The following PRR33 variants were observed in gnomAD, a reference collection of about 807,000 sequenced individuals.
The protein encoded by PRR33 is proline-rich protein 33.
PRR33 carries 1 observed loss-of-function variant against 0.5 expected under a neutral mutation model. That is an observed-to-expected ratio of 2.18 (90% CI 0.77 to 10.34). The LOEUF (loss-of-function observed/expected upper bound fraction) is 10.34, where lower values mean the gene tolerates loss of function less well. PRR33 is among the 30% of genes most tolerant of loss of function. The probability of loss-of-function intolerance (pLI) is 0.13; values close to 1 mark genes in which losing one functional copy is unlikely to be tolerated. For missense variants in PRR33, 552 were observed against 251.8 expected (o/e 2.19, Z -8.07); for synonymous variants, 226 against 110.0 (o/e 2.06, Z -6.60).
upstream of PRR33, among the ~76,000 whole-genome samples, chr11:1,893,179 T>A (rs1589839460): frequency 1.7e-5 from 2 of 114,854 alleles, no homozygotes; most frequent in African/African-American, 3.2e-5. Context: ...GGTGGGTGGG[T>A]GGATGGATGG....
At chr11:1,889,262 G>T in exon 1 of PRR33, 1 of 679,082 alleles carries the variant, frequency 1.5e-6, no homozygotes. Context: ...TCCGGGCGTT[G>T]AAGCGAGGCC....
chr11:1,896,938 CCA>C, the PRR33 span, among the ~76,000 whole-genome samples: 10 of 152,210 alleles, frequency 6.6e-5, no homozygotes, highest in African/African-American at 2.4e-4. Context: ...AAGCAAAGAA[CCA>C]CTCGCTAATG....
chr11:1,891,358 G>T (rs1375033902), exon 1 of PRR33: 1 of 152,358 alleles, frequency 6.6e-6, no homozygotes, highest in East Asian at 1.9e-4. Context: ...CCGCTGGTGG[G>T]GGCTGGCTCT....
At chr11:1,917,357 T>C in the PRR33 span, among the ~76,000 whole-genome samples, 1 of 152,072 alleles carries the variant, frequency 6.6e-6, no homozygotes, top group South Asian at 2.1e-4. Flanking sequence ...GCCAAGACAC[T>C]CAGGAGGCCA....
chr11:1,916,358 A>G, the PRR33 span, among the ~76,000 whole-genome samples: 1 of 152,114 alleles, frequency 6.6e-6, no homozygotes, highest in African/African-American at 2.4e-5. Flanking sequence ...CCTCATGAAT[A>G]CACACAGTTC....
chr11:1,915,426 G>A, the PRR33 span, among the ~76,000 whole-genome samples: 99 of 147,012 alleles, frequency 6.7e-4, 4 homozygotes, highest in South Asian at 0.021. Flanking sequence ...GTGCGGTCAC[G>A]CACCTGGGAT....
the PRR33 span, among the ~76,000 whole-genome samples, chr11:1,911,394 A>G: frequency 6.6e-6 from 1 of 152,016 alleles, no homozygotes; most frequent in Non-Finnish European, 1.5e-5. Context: ...GTGAGCCGAG[A>G]TTGTGCCACT....
At chr11:1,907,539 G>A in the PRR33 span, among the ~76,000 whole-genome samples, 1 of 152,144 alleles carries the variant, frequency 6.6e-6, no homozygotes, top group East Asian at 1.9e-4. Flanking sequence ...AGCCTCCCCA[G>A]TAGTTGGGAT....
upstream of PRR33, among the ~76,000 whole-genome samples, chr11:1,892,517 G>A (rs1317053301): frequency 2.0e-5 from 3 of 152,210 alleles, no homozygotes; most frequent in Non-Finnish European, 4.4e-5. Context: ...CCCCAACCAG[G>A]ACTAGCCCAA....
exon 1 of PRR33, chr11:1,889,459 C>A (rs993746568): frequency 4.7e-6 from 3 of 635,228 alleles, no homozygotes; most frequent in South Asian, 3.6e-5. Flanking sequence ...GGGGCAGGCA[C>A]CTCCTGCTCT....
At chr11:1,898,286 G>T in the PRR33 span, among the ~76,000 whole-genome samples, 7 of 151,742 alleles carry the variant, frequency 4.6e-5, no homozygotes, top group African/African-American at 1.7e-4. Flanking sequence ...CTGGAGTGCA[G>T]CGGCGCCAGC....
At chr11:1,916,185 G>T in the PRR33 span, among the ~76,000 whole-genome samples, 5 of 152,034 alleles carry the variant, frequency 3.3e-5, no homozygotes, top group East Asian at 7.7e-4. Context: ...TCCTCTCCCA[G>T]GTCTTGCACT....
the PRR33 span, among the ~76,000 whole-genome samples, chr11:1,908,449 A>G: frequency 6.6e-6 from 1 of 151,910 alleles, no homozygotes; most frequent in Non-Finnish European, 1.5e-5. Flanking sequence ...TGTTTTTTCA[A>G]AAGTTTTTTT....
the PRR33 span, among the ~76,000 whole-genome samples, chr11:1,899,349 T>C: frequency 6.6e-6 from 1 of 152,124 alleles, no homozygotes; most frequent in South Asian, 2.1e-4. Flanking sequence ...CACTGCAGTG[T>C]GGGTGGCAAG....
chr11:1,915,278 G>A, the PRR33 span, among the ~76,000 whole-genome samples: 10 of 150,312 alleles, frequency 6.7e-5, no homozygotes, highest in African/African-American at 2.5e-4. Context: ...TCACATCCCT[G>A]GGGATGATGT....
At chr11:1,902,777 A>G in the PRR33 span, 1 of 152,154 alleles carries the variant, frequency 6.6e-6, no homozygotes, top group Non-Finnish European at 1.5e-5. Flanking sequence ...TAAAGGAATA[A>G]AGAATGGCTA....
chr11:1,916,557 G>A, the PRR33 span, among the ~76,000 whole-genome samples: 1 of 151,846 alleles, frequency 6.6e-6, no homozygotes, highest in Non-Finnish European at 1.5e-5. Flanking sequence ...GCAGCCGAGA[G>A]GCAGGCCCAA....
the PRR33 span, among the ~76,000 whole-genome samples, chr11:1,905,330 T>C: frequency 6.6e-6 from 1 of 152,042 alleles, no homozygotes; most frequent in Non-Finnish European, 1.5e-5. Flanking sequence ...TTTCGCCATG[T>C]TGGCCAGGCT....
upstream of PRR33, among the ~76,000 whole-genome samples, chr11:1,895,205 C>T (rs184986721): frequency 1.3e-3 from 199 of 152,006 alleles, no homozygotes; most frequent in African/African-American, 4.3e-3. Flanking sequence ...CCATCTTGGC[C>T]CACTGCAACC....
Sources: gnomAD v4.1 joint callset for allele counts (sites outside exome capture counted in the v4.1 genomes callset) on GRCh38, gnomAD v4.1.1 for gene constraint, MANE v1.5 for transcripts, NCBI Gene and HGNC (gene_info 2026-07-23, HGNC 2026-07-21) for gene names.